MTERF1: variants seen among roughly 807,000 people sequenced by gnomAD.
MTERF1 encodes the protein transcription termination factor 1, mitochondrial.
MTERF1 carries 29 observed loss-of-function variants against 31.6 expected under a neutral mutation model. That is an observed-to-expected ratio of 0.92 (90% CI 0.68 to 1.25). MTERF1 has a LOEUF of 1.25. Among genes scored for constraint, MTERF1 ranks in the 50% most tolerant of loss-of-function variants. MTERF1 has a pLI of 0.00. For synonymous variants in MTERF1, 152 were observed against 164.1 expected (o/e 0.93, Z 0.57); for missense variants, 500 against 469.1 (o/e 1.07, Z -0.61).
intron 2 of MTERF1, 118 bp from the exon 3 acceptor site, chr7:91,874,882 C>G (rs1356900602): frequency 1.1e-5 from 7 of 644,520 alleles, no homozygotes; most frequent in Non-Finnish European, 1.8e-5. Flanking sequence ...TCAGCTCCAG[C>G]TCTCCAGAAC....
chr7:91,878,030 T>C (rs1305628446), intron 2 of MTERF1, among the ~76,000 whole-genome samples: 1 of 152,194 alleles, frequency 6.6e-6, no homozygotes, highest in African/African-American at 2.4e-5. Context: ...CCCATCCTCC[T>C]GATGCCTATC....
Position 91,874,181 on chromosome 7 carries a change from A to G in MTERF1, c.613T>C (p.Ser205Pro), listed in dbSNP as rs773428407. 2 of 1,614,162 alleles carry G rather than the reference A, an allele frequency of 1.2e-6. No individual in the cohort carries two copies. The highest frequency in any genetic ancestry group is 2.2e-5 in the South Asian group (2 of 91,084). Residue 205 changes from serine to proline, a missense_variant, in exon 3 of 3, where the codon TCC (serine) becomes CCC (proline). Coordinates refer to ENST00000351870, the MANE Select transcript of MTERF1 (RefSeq NM_006980.5). ...RLLTNAPRTF[S>P]NSLDLNKQMV... The stretch of plus-strand genomic sequence containing the variant: ...TGTTTATTCAGATCAAGACTATTGG[A>G]GAAGGTACGAGGGGCATTGGTCAAC...
At chr7:91,879,679 A>T (rs1789452322) in intron 2 of MTERF1, among the ~76,000 whole-genome samples, 2 of 152,186 alleles carry the variant, frequency 1.3e-5, no homozygotes, top group African/African-American at 4.8e-5. Context: ...CATTCAAAAT[A>T]CTCATAATAT....
Position 91,873,451 on chromosome 7 carries a change from T to C in MTERF1, c.*143A>G. 1.4e-6 allele frequency: 1 copy of C among 730,346 alleles called. No homozygotes were observed. The highest frequency in any genetic ancestry group is 2.2e-6 in the Non-Finnish European group (1 of 458,864). 45.2% of individuals were successfully genotyped at this position (730,346 alleles called of 1,614,324 possible). On this transcript the variant is annotated 3_prime_UTR_variant, in exon 3 of 3. Coordinates refer to ENST00000351870, the MANE Select transcript of MTERF1 (RefSeq NM_006980.5). ...CAACTTTTAAAGATCCCTACAATTA[T>C]ATTAGGCCCTCCAAAGTAATTCAGG...
chr7:91,880,331 T>C, intron 1 of MTERF1: 1 of 508,118 alleles, frequency 2.0e-6, no homozygotes, highest in South Asian at 2.5e-5. Flanking sequence ...ATACGTTTTG[T>C]ACCAAAGCTA....
At chr7:91,879,073 G>A (rs6942645) in intron 2 of MTERF1, among the ~76,000 whole-genome samples, 4,646 of 152,162 alleles carry the variant, frequency 0.031, 216 homozygotes, top group African/African-American at 0.1. Context: ...AACCTGGGAG[G>A]CGGAGGTTGT....
At position 91,873,631 on chromosome 7, in the gene MTERF1, T is replaced by C. The variant is rs763648956; in HGVS notation, c.1163A>G (p.Tyr388Cys). Residue 388 changes from tyrosine to cysteine, a missense_variant, in exon 3 of 3, where the codon TAT becomes TGT. By Grantham distance (194) the Tyr-to-Cys change is radical. Transcript: ENST00000351870. ...GCTTAACTTTTTCAATTTAGCTTCA[T>C]ATCTTTTTTTACTCCAAGATAGAAG... ...ITLLSWSKKR[Y>C]EAKLKKLSRF... The C allele has an allele frequency of 1.2e-5, 19 of 1,607,998 alleles. No individual in the cohort carries two copies. The East Asian group carries it at 2.7e-4, about 23-fold the overall frequency.
rs1210087095 is a variant in MTERF1, at chr7:91,874,630, A to C, written c.164T>G (p.Phe55Cys). 1 of 1,614,112 alleles carries C rather than the reference A, an allele frequency of 6.2e-7. No homozygotes were observed. Among genetic ancestry groups the C allele is most frequent in the East Asian group, 2.2e-5 (1 of 44,868 alleles). The change falls in exon 3 of 3, where the codon TTT becomes TGT. Residue 55 changes from phenylalanine to cysteine, a missense_variant. Physicochemically the swap from Phe to Cys is radical, Grantham distance 205. Transcript: ENST00000351870. Reference protein sequence around the residue: ...SAENIFKSVSFRLFGVKCHNT... With the variant: ...SAENIFKSVSCRLFGVKCHNT... ...ATGACACTTCACACCAAAAAGCCTA[A>C]ATGAAACTGATTTGAAGATGTTTTC...
rs1290313621 is a variant in MTERF1, at chr7:91,871,440, G to T, written c.*2154C>A. The T allele has an allele frequency of 6.6e-6, 1 of 152,070 alleles. No individual in the cohort carries two copies. The highest frequency in any genetic ancestry group is 1.5e-5 in the Non-Finnish European group (1 of 68,026). The allele number at this position is 152,070 out of a possible 1,614,324, so 9.4% of individuals were successfully genotyped here. ...GAAAACACTCGCGTACAATTCAGAAGACTTAAGAAATCAATACTTTAAGCC... is the reference window on the plus strand; with the variant it reads ...GAAAACACTCGCGTACAATTCAGAATACTTAAGAAATCAATACTTTAAGCC... On this transcript the variant is annotated 3_prime_UTR_variant, in exon 3 of 3. Coordinates refer to ENST00000351870, the MANE Select transcript of MTERF1 (RefSeq NM_006980.5).
chr7:91,874,335 G>C lies in MTERF1; in HGVS notation c.459C>G (p.Asp153Glu), dbSNP rs751113049. ...WDLWRKIVTS[D>E]LEIVNILERS... ...GTTCCAAAATATTTACAATTTCAAG[G>C]TCTGATGTCACAATCTTTCTCCACA... Residue 153 changes from aspartate to glutamate, a missense_variant, in exon 3 of 3, where the codon GAC becomes GAG. Coordinates refer to ENST00000351870, the MANE Select transcript of MTERF1 (RefSeq NM_006980.5). The C allele has an allele frequency of 6.2e-7, 1 of 1,613,952 alleles. No individual in the cohort carries two copies. Among genetic ancestry groups the C allele is most frequent in the African/African-American group, 1.3e-5 (1 of 74,900 alleles).
chr7:91,879,599 T>C (rs1162333382), intron 2 of MTERF1, among the ~76,000 whole-genome samples: 1 of 152,114 alleles, frequency 6.6e-6, no homozygotes, highest in Non-Finnish European at 1.5e-5. Flanking sequence ...TATCTATTTT[T>C]CGGTTTCTAG....
At chr7:91,877,341 T>G (rs1327337608) in intron 2 of MTERF1, among the ~76,000 whole-genome samples, 1 of 152,150 alleles carries the variant, frequency 6.6e-6, no homozygotes, top group African/African-American at 2.4e-5. Context: ...GTAACAAATC[T>G]ATAAACGTTT....
rs772570967 is a variant in MTERF1, at chr7:91,873,755, C to A, written c.1039G>T (p.Glu347Ter). ...EENISISQII[E>*]NPRVLDSSIS... ...CTTGAATCCAGAACCCGAGGATTTT[C>A]GATTATTTGTGAAATGCTAATGTTT... The change falls in exon 3 of 3, where the codon GAA (glutamate) becomes TAA (stop). Residue 347 changes from glutamate (E) to a stop codon, truncating the protein, a stop_gained. Coordinates refer to ENST00000351870, the MANE Select transcript of MTERF1 (RefSeq NM_006980.5). LOFTEE classifies it high-confidence loss of function. 2 of 1,613,902 alleles carry A rather than the reference C, an allele frequency of 1.2e-6. No homozygotes were observed. The highest frequency in any genetic ancestry group is 1.7e-6 in the Non-Finnish European group (2 of 1,179,990).
In MTERF1 at chr7:91,872,627, G is replaced by A; in HGVS notation, c.*967C>T. 1 of 152,158 alleles carries A rather than the reference G, an allele frequency of 6.6e-6. No homozygotes were observed. The highest frequency in any genetic ancestry group is 2.4e-5 in the African/African-American group (1 of 41,444). 9.4% of individuals were successfully genotyped at this position (152,158 alleles called of 1,614,324 possible). A position where few individuals can be genotyped will look rare whatever the true frequency, so the allele number is the denominator to read the frequency against. On this transcript the variant is annotated 3_prime_UTR_variant, in exon 3 of 3. Coordinates refer to ENST00000351870, the MANE Select transcript of MTERF1 (RefSeq NM_006980.5). ...TTTTGAAGTATCACTGATAGCAAATGAGGTTTAAAAGGTTGAGCACCATTA... is the reference window on the plus strand; with the variant it reads ...TTTTGAAGTATCACTGATAGCAAATAAGGTTTAAAAGGTTGAGCACCATTA...
At position 91,872,138 on chromosome 7, in the gene MTERF1, T is replaced by C. The variant is rs1789194287; in HGVS notation, c.*1456A>G. The stretch of plus-strand genomic sequence containing the variant: ...AACTGTAAGAAATTCATTTTCCTTA[T>C]AAATTTTCCAATAAATTATAAATGT... On this transcript the variant is annotated 3_prime_UTR_variant, in exon 3 of 3. Transcript: ENST00000351870. The C allele has an allele frequency of 6.6e-6, 1 of 152,192 alleles. No homozygotes were observed. The highest frequency in any genetic ancestry group is 6.5e-5 in the Admixed American group (1 of 15,276). 9.4% of individuals were successfully genotyped at this position (152,192 alleles called of 1,614,324 possible). A position where few individuals can be genotyped will look rare whatever the true frequency, so the allele number is the denominator to read the frequency against.
Position 91,874,680 on chromosome 7 carries a change from TCTTGAAC to T in MTERF1, c.107_113del (p.Gly36AspfsTer4). 1 of 1,614,128 alleles carries T rather than the reference TCTTGAAC, an allele frequency of 6.2e-7. No homozygotes were observed. The highest frequency in any genetic ancestry group is 2.2e-5 in the East Asian group (1 of 44,872). ...CTGCTGAAAATCGAGTCATCCAACA[TCTTGAAC>T]CAAAGAGAAAGTTATTTCTCATATG... On this transcript the variant is annotated frameshift_variant, in exon 3 of 3. Coordinates refer to ENST00000351870, the MANE Select transcript of MTERF1 (RefSeq NM_006980.5). LOFTEE classifies it high-confidence loss of function.
intron 1 of MTERF1, chr7:91,880,440 A>C (rs1258334403): frequency 9.3e-6 from 2 of 215,462 alleles, no homozygotes; most frequent in East Asian, 2.4e-4. Flanking sequence ...CCGAGCTCCC[A>C]TACTAGCCTG....
rs764660421 is a variant in MTERF1, at chr7:91,873,658, G to A, written c.1136C>T (p.Thr379Ile). 6.2e-7 allele frequency: 1 copy of A among 1,613,864 alleles called. No individual in the cohort carries two copies. The highest frequency in any genetic ancestry group is 1.1e-5 in the South Asian group (1 of 91,000). Residue 379 changes from threonine to isoleucine, a missense_variant, in exon 3 of 3, where the codon ACT becomes ATT. Coordinates refer to ENST00000351870, the MANE Select transcript of MTERF1 (RefSeq NM_006980.5). ...TCTTTTTTTACTCCAAGATAGAAGA[G>A]TGATGTTTAAAGTACTCAAGTTACA... The part of the protein sequence containing the change: ...AGCNLSTLNI[T>I]LLSWSKKRYE...
At chr7:91,876,591 G>A (rs1000459749) in intron 2 of MTERF1, among the ~76,000 whole-genome samples, 3 of 152,186 alleles carry the variant, frequency 2.0e-5, no homozygotes, top group African/African-American at 7.2e-5. Flanking sequence ...TATGCCTACA[G>A]GCAGGGAACA....
Sources: gnomAD v4.1 joint callset for allele counts (sites outside exome capture counted in the v4.1 genomes callset) on GRCh38, gnomAD v4.1.1 for gene constraint, MANE v1.5 for transcripts, NCBI Gene and HGNC (gene_info 2026-07-23, HGNC 2026-07-21) for gene names.